Variants in ZNF169 observed in about 807,000 individuals in gnomAD.
ZNF169 encodes the protein zinc finger protein 169.
Under a neutral mutation model 12.0 loss-of-function variants are expected in ZNF169, and 11 were observed. That is an observed-to-expected ratio of 0.92 (90% CI 0.58 to 1.52). The LOEUF is 1.52. ZNF169 is among the 40% of genes most tolerant of loss of function. The pLI is 0.00. For synonymous variants in ZNF169, 302 were observed against 286.5 expected (o/e 1.05, Z -0.55); for missense variants, 722 against 744.0 (o/e 0.97, Z 0.34).
In ZNF169 at chr9:94,292,336, T is replaced by A. The variant is rs751885884; in HGVS notation, c.34-5T>A. 3.1e-6 allele frequency: 5 copies of A among 1,614,162 alleles called. No individual in the cohort carries two copies. The highest frequency in any genetic ancestry group is 1.7e-5 in the Admixed American group (1 of 60,022). On this transcript the variant is annotated splice_region_variant and splice_polypyrimidine_tract_variant and intron_variant, in intron 2 of 4. Coordinates refer to ENST00000395395, the MANE Select transcript of ZNF169 (RefSeq NM_194320.4). Reference sequence around the variant, plus strand: ...TGAGTGAGCAGGGATGTGTTTGTGTTACAGGCATTGATGGCCTTCCGGGAT... The same window carrying A: ...TGAGTGAGCAGGGATGTGTTTGTGTAACAGGCATTGATGGCCTTCCGGGAT...
At chr9:94,275,569 CT>C (rs1830503492) in intron 1 of ZNF169, among the ~76,000 whole-genome samples, 1 of 152,100 alleles carries the variant, frequency 6.6e-6, no homozygotes, top group African/African-American at 2.4e-5. Flanking sequence ...AATAAATTTT[CT>C]TAACTATGAT....
At chr9:94,261,096 G>A (rs1218846643) in intron 1 of ZNF169, among the ~76,000 whole-genome samples, 2 of 150,658 alleles carry the variant, frequency 1.3e-5, no homozygotes, top group Non-Finnish European at 3.0e-5. Flanking sequence ...CAGTGGGGTG[G>A]CGCGGCGCGA....
At chr9:94,287,683 AC>A in intron 2 of ZNF169, 3 of 1,059,038 alleles carry the variant, frequency 2.8e-6, no homozygotes, top group Non-Finnish European at 4.4e-6. Flanking sequence ...TTAAAATTAA[AC>A]AATACGGTGT....
chr9:94,272,567 T>A (rs1343419409), intron 1 of ZNF169, among the ~76,000 whole-genome samples: 1 of 152,182 alleles, frequency 6.6e-6, no homozygotes, highest in African/African-American at 2.4e-5. Context: ...TTATTTTATT[T>A]AGTATAATGT....
chr9:94,276,413 C>T (rs1384714499), intron 1 of ZNF169, among the ~76,000 whole-genome samples: 2 of 151,886 alleles, frequency 1.3e-5, no homozygotes, highest in Non-Finnish European at 2.9e-5. Context: ...TTATGGGCGC[C>T]GCCACCACAC....
At chr9:94,281,989 A>G (rs949240552) in intron 2 of ZNF169, among the ~76,000 whole-genome samples, 1 of 152,176 alleles carries the variant, frequency 6.6e-6, no homozygotes, top group African/African-American at 2.4e-5. Context: ...TCTGGGAAGG[A>G]AGGAAGGAAG....
At chr9:94,283,101 C>T (rs1830668755) in intron 2 of ZNF169, among the ~76,000 whole-genome samples, 1 of 152,126 alleles carries the variant, frequency 6.6e-6, no homozygotes, top group Admixed American at 6.6e-5. Flanking sequence ...AAAAACGAAA[C>T]ATGTATCAGA....
intron 2 of ZNF169, among the ~76,000 whole-genome samples, chr9:94,285,759 C>G (rs564877530): frequency 1.3e-5 from 2 of 152,234 alleles, no homozygotes; most frequent in East Asian, 3.9e-4. Context: ...CCTGTAATCC[C>G]AGCACTTTGG....
At chr9:94,270,399 G>T (rs555611667) in intron 1 of ZNF169, among the ~76,000 whole-genome samples, 11 of 151,008 alleles carry the variant, frequency 7.3e-5, no homozygotes, top group South Asian at 2.1e-4. Flanking sequence ...CCTAAGTGTT[G>T]AATTAAATGG....
chr9:94,260,073 G>A (rs935209503), intron 1 of ZNF169, among the ~76,000 whole-genome samples: 1 of 149,768 alleles, frequency 6.7e-6, no homozygotes, highest in African/African-American at 2.5e-5. Flanking sequence ...CACCACGCCC[G>A]GCTAATTTTT....
chr9:94,285,861 A>T (rs1830711940), intron 2 of ZNF169, among the ~76,000 whole-genome samples: 1 of 152,060 alleles, frequency 6.6e-6, no homozygotes, highest in Non-Finnish European at 1.5e-5. Flanking sequence ...ATACAAAAAA[A>T]TTAGCTGGAT....
intron 2 of ZNF169, among the ~76,000 whole-genome samples, chr9:94,290,996 T>TA (rs1474463741): frequency 6.6e-6 from 1 of 150,936 alleles, no homozygotes; most frequent in Non-Finnish European, 1.5e-5. Context: ...TATTTTTAAG[T>TA]AAAAAAATTT....
chr9:94,296,510 A>T (rs1830954244), intron 4 of ZNF169, among the ~76,000 whole-genome samples: 1 of 152,182 alleles, frequency 6.6e-6, no homozygotes, highest in African/African-American at 2.4e-5. Context: ...TAGGTCTATA[A>T]GCCTATTTTG....
At chr9:94,275,313 G>A (rs573961979) in intron 1 of ZNF169, among the ~76,000 whole-genome samples, 9 of 152,316 alleles carry the variant, frequency 5.9e-5, no homozygotes, top group African/African-American at 2.2e-4. Flanking sequence ...TCGAAAAATT[G>A]TAAGTTGAAC....
At chr9:94,298,368 T>C (rs1265120406) in intron 4 of ZNF169, among the ~76,000 whole-genome samples, 1 of 152,106 alleles carries the variant, frequency 6.6e-6, no homozygotes, top group Non-Finnish European at 1.5e-5. Context: ...TATTGAGGGC[T>C]GTCCCATAAT....
Position 94,292,965 on chromosome 9 carries a change from T to G in ZNF169, c.161-9T>G. The G allele has an allele frequency of 6.2e-7, 1 of 1,603,584 alleles. No homozygotes were observed. The highest frequency in any genetic ancestry group is 1.7e-4 in the Middle Eastern group (1 of 6,042). On this transcript the variant is annotated splice_polypyrimidine_tract_variant and intron_variant, in intron 3 of 4. Coordinates refer to ENST00000395395, the MANE Select transcript of ZNF169 (RefSeq NM_194320.4). ...CAAGATCACCTTGGTTTTTTTTTCC[T>G]GTGAGTAGGAATTGCATTTTCCAAA...
chr9:94,259,768 G>A (rs1830165859), intron 1 of ZNF169, among the ~76,000 whole-genome samples: 1 of 152,212 alleles, frequency 6.6e-6, no homozygotes, highest in South Asian at 2.1e-4. Context: ...GCGCCTCGGA[G>A]GTCTCTGGGC....
At chr9:94,297,228 A>G (rs1231018778) in intron 4 of ZNF169, among the ~76,000 whole-genome samples, 1 of 149,946 alleles carries the variant, frequency 6.7e-6, no homozygotes, top group Non-Finnish European at 1.5e-5. Context: ...GAACTTACAC[A>G]TAAATAATAC....
At chr9:94,269,791 G>A (rs1830358993) in intron 1 of ZNF169, among the ~76,000 whole-genome samples, 1 of 152,172 alleles carries the variant, frequency 6.6e-6, no homozygotes, top group African/African-American at 2.4e-5. Context: ...ATGTAAGTGT[G>A]CATTTGTCTA....
Sources: allele counts gnomAD v4.1 joint callset (sites outside exome capture counted in the v4.1 genomes callset), GRCh38; gene constraint gnomAD v4.1.1; transcripts MANE v1.5; gene names NCBI Gene and HGNC (gene_info 2026-07-23, HGNC 2026-07-21).